CHODL: variants seen among roughly 807,000 people sequenced by gnomAD.
CHODL encodes chondrolectin.
In CHODL, 29 loss-of-function variants were observed where a neutral mutation model predicts 34.5. That is an observed-to-expected ratio of 0.84 (90% confidence interval 0.63 to 1.15). CHODL has a LOEUF of 1.15. Ranked by LOEUF, CHODL falls within the 50% of genes most tolerant of loss-of-function variation. The pLI is 0.00. For missense variants in CHODL, 332 were observed against 332.5 expected (o/e 1.00, Z 0.01); for synonymous variants, 125 against 116.1 (o/e 1.08, Z -0.49).
At chr21:18,189,871 A>G (rs775940268) in intron 2 of CHODL, among the ~76,000 whole-genome samples, 16 of 151,948 alleles carry the variant, frequency 1.1e-4, no homozygotes, top group Non-Finnish European at 1.8e-4. Flanking sequence ...GTGACCTCAG[A>G]AGATCTGCCC....
chr21:17,943,114 T>C (rs1195762267), intron 1 of CHODL, among the ~76,000 whole-genome samples: 1 of 152,208 alleles, frequency 6.6e-6, no homozygotes, highest in Non-Finnish European at 1.5e-5. Context: ...TTTCATTTAG[T>C]TCTTTTTGGC....
intron 2 of CHODL, among the ~76,000 whole-genome samples, chr21:18,108,286 C>A (rs1345379404): frequency 6.6e-6 from 1 of 152,096 alleles, no homozygotes; most frequent in Non-Finnish European, 1.5e-5. Flanking sequence ...AACCAGCAAC[C>A]AATTTAGGGT....
At chr21:18,180,350 G>A (rs1177575867) in intron 2 of CHODL, among the ~76,000 whole-genome samples, 1 of 152,022 alleles carries the variant, frequency 6.6e-6, no homozygotes, top group East Asian at 1.9e-4. Context: ...CCACTATGTT[G>A]CCCAGGATGG....
At position 17,926,366 on chromosome 21, in the gene CHODL, A is replaced by C. The variant is rs1159997495; in HGVS notation, c.-145+8966A>C. 5.6e-5 allele frequency among the ~76,000 whole-genome samples: 8 copies of C among 142,840 alleles called. 1 individual carries two copies. In the Admixed American group the frequency reaches 5.7e-4, roughly 10 times the overall value. The allele number at this position is 142,840 out of a possible 152,430, so 93.7% of individuals were successfully genotyped here. Reference sequence around the variant, plus strand: ...AGTAAGCTACTGAGGGTAACAAATAAATAAGGTGGGTTTTTTTTTTTTTTT... The same window carrying C: ...AGTAAGCTACTGAGGGTAACAAATACATAAGGTGGGTTTTTTTTTTTTTTT... On this transcript the variant is annotated intron_variant, in intron 1 of 6. Coordinates refer to the CHODL transcript ENST00000400127.
intron 2 of CHODL, among the ~76,000 whole-genome samples, chr21:18,235,922 T>C (rs1312593348): frequency 6.6e-6 from 1 of 152,168 alleles, no homozygotes; most frequent in African/African-American, 2.4e-5. Flanking sequence ...CATATAGATT[T>C]AGAATGTCCA....
At chr21:18,257,155 A>T in intron 3 of CHODL, 28 bp downstream of exon 3, 1 of 1,576,684 alleles carries the variant, frequency 6.3e-7, no homozygotes, top group Non-Finnish European at 8.6e-7. Flanking sequence ...AAGGTATAGA[A>T]GATTTTGTGC....
intron 1 of CHODL, among the ~76,000 whole-genome samples, chr21:17,941,513 C>T (rs1166298809): frequency 5.4e-5 from 8 of 148,874 alleles, no homozygotes; most frequent in Admixed American, 5.4e-4. Context: ...ATGAATTGGC[C>T]TTGATTTATA....
intron 1 of CHODL, among the ~76,000 whole-genome samples, chr21:18,016,583 C>T (rs1369287200): frequency 6.6e-6 from 1 of 152,228 alleles, no homozygotes; most frequent in South Asian, 2.1e-4. Context: ...AGGACCTGTA[C>T]TTGGGCAGTG....
At chr21:18,028,117 T>G (rs1227049674) in intron 2 of CHODL, 1 of 152,146 alleles carries the variant, frequency 6.6e-6, no homozygotes, top group African/African-American at 2.4e-5. Context: ...TGAATTTAAA[T>G]GTCATCTCTT....
intron 2 of CHODL, among the ~76,000 whole-genome samples, chr21:18,214,184 G>A (rs983129986): frequency 1.3e-5 from 2 of 151,964 alleles, no homozygotes; most frequent in Non-Finnish European, 2.9e-5. Context: ...ACATTAGCCT[G>A]ATATTCTCCC....
intron 1 of CHODL, among the ~76,000 whole-genome samples, chr21:18,018,125 T>C (rs541973094): frequency 4.6e-5 from 7 of 152,368 alleles, no homozygotes; most frequent in African/African-American, 1.7e-4. Flanking sequence ...TTGTTTTTTA[T>C]TTTACAGGCT....
intron 1 of CHODL, among the ~76,000 whole-genome samples, chr21:17,947,544 G>C (rs73321602): frequency 0.022 from 3,364 of 150,126 alleles, 282 homozygotes; most frequent in African/African-American, 0.077. Flanking sequence ...CACACACACA[G>C]ACACACACAC....
intron 2 of CHODL, among the ~76,000 whole-genome samples, chr21:18,175,348 C>T (rs1421227894): frequency 6.6e-6 from 1 of 152,162 alleles, no homozygotes; most frequent in Non-Finnish European, 1.5e-5. Context: ...AATCTCAGCA[C>T]TTTGGGAGAC....
intron 1 of CHODL, among the ~76,000 whole-genome samples, chr21:17,970,895 C>T (rs992017547): frequency 3.3e-5 from 5 of 152,052 alleles, no homozygotes; most frequent in South Asian, 2.1e-4. Flanking sequence ...GCCCCCACCC[C>T]CCAACAGGCC....
intron 2 of CHODL, among the ~76,000 whole-genome samples, chr21:18,204,928 A>C (rs2073695805): frequency 6.6e-6 from 1 of 152,228 alleles, no homozygotes; most frequent in Admixed American, 6.5e-5. Context: ...AATTTTTAGA[A>C]AGAAAACTCT....
At chr21:18,063,914 A>G (rs2064699409) in intron 2 of CHODL, among the ~76,000 whole-genome samples, 1 of 151,686 alleles carries the variant, frequency 6.6e-6, no homozygotes, top group Non-Finnish European at 1.5e-5. Context: ...CCTGCTTTCT[A>G]CTCTGTTCCT....
At chr21:18,015,385 C>T (rs898583913) in intron 1 of CHODL, among the ~76,000 whole-genome samples, 8 of 152,110 alleles carry the variant, frequency 5.3e-5, no homozygotes. Context: ...TTTCTGAGGC[C>T]TCCCCAGCCA....
intron 2 of CHODL, among the ~76,000 whole-genome samples, chr21:18,154,646 T>G (rs890723678): frequency 6.6e-6 from 1 of 152,162 alleles, no homozygotes; most frequent in Admixed American, 6.5e-5. Flanking sequence ...AGAACTTCCC[T>G]TCATAGAAAT....
chr21:17,973,791 C>G (rs531279301), intron 1 of CHODL, among the ~76,000 whole-genome samples: 43 of 145,990 alleles, frequency 2.9e-4, no homozygotes, highest in African/African-American at 1.0e-3. Flanking sequence ...TGTTAGGTTA[C>G]TATCTTTCAG....
Sources: allele counts gnomAD v4.1 joint callset (sites outside exome capture counted in the v4.1 genomes callset), GRCh38; gene constraint gnomAD v4.1.1; transcripts MANE v1.5; gene names NCBI Gene and HGNC (gene_info 2026-07-23, HGNC 2026-07-21).